Variants in NEGR1 observed in about 807,000 individuals in gnomAD.
The protein encoded by NEGR1 is neuronal growth regulator 1.
A neutral mutation model predicts 40.9 loss-of-function variants in NEGR1; 10 were observed. That is an observed-to-expected ratio of 0.24 (90% CI 0.15 to 0.42). The LOEUF is 0.42. NEGR1 is among the 10% of genes least tolerant of loss of function. NEGR1 has a pLI of 1.00. For missense variants in NEGR1, 352 were observed against 438.9 expected, an observed-to-expected ratio of 0.80 and a Z score of 1.77; for synonymous variants, 185 against 166.8, an observed-to-expected ratio of 1.11 and a Z score of -0.84.
At chr1:72,015,933 G>A (rs1348324127) in intron 1 of NEGR1, among the ~76,000 whole-genome samples, 1 of 152,058 alleles carries the variant, frequency 6.6e-6, no homozygotes, top group Non-Finnish European at 1.5e-5. Flanking sequence ...TCCTAAACAT[G>A]AACGCAAATC....
intron 1 of NEGR1, among the ~76,000 whole-genome samples, chr1:72,182,659 G>T (rs924115600): frequency 6.6e-6 from 1 of 151,486 alleles, no homozygotes; most frequent in Non-Finnish European, 1.5e-5. Flanking sequence ...GCTTTATAAG[G>T]TCTAAATTGA....
chr1:72,180,761 C>T (rs192271625), intron 1 of NEGR1, among the ~76,000 whole-genome samples: 3 of 152,186 alleles, frequency 2.0e-5, no homozygotes, highest in African/African-American at 7.2e-5. Context: ...CTATGAGATA[C>T]CACCTCAACC....
chr1:71,793,374 G>T (rs1176092847), intron 2 of NEGR1, among the ~76,000 whole-genome samples: 1 of 136,450 alleles, frequency 7.3e-6, no homozygotes, highest in Non-Finnish European at 1.6e-5. Context: ...CTCCCAAAGT[G>T]CTGGGATTAC....
intron 1 of NEGR1, among the ~76,000 whole-genome samples, chr1:72,141,551 T>C (rs189160442): frequency 1.3e-5 from 2 of 152,158 alleles, no homozygotes; most frequent in Admixed American, 1.3e-4. Flanking sequence ...CACCACTCAA[T>C]TTATTGGTAC....
At chr1:71,677,143 G>A (rs1463285703) in intron 4 of NEGR1, among the ~76,000 whole-genome samples, 1 of 152,064 alleles carries the variant, frequency 6.6e-6, no homozygotes, top group African/African-American at 2.4e-5. Flanking sequence ...CTGGTGCATT[G>A]TTGGCCTTCT....
At chr1:71,479,501 C>A (rs1646841100) in intron 6 of NEGR1, among the ~76,000 whole-genome samples, 1 of 151,952 alleles carries the variant, frequency 6.6e-6, no homozygotes, top group Non-Finnish European at 1.5e-5. Context: ...CTTGTTTTCT[C>A]TTCCGGACAG....
At chr1:72,138,873 A>G (rs1466457917) in intron 1 of NEGR1, among the ~76,000 whole-genome samples, 1 of 152,014 alleles carries the variant, frequency 6.6e-6, no homozygotes, top group African/African-American at 2.4e-5. Flanking sequence ...TTTATAGAAT[A>G]CCCTACCAAA....
rs866887085 is a variant in NEGR1 at position 72,013,981 on chromosome 1, A to C, written c.177-78670T>G. ...TGAAAAATAAAAAAAAAAAAAAAAA[A>C]AAAAAAAGGAGGTTGGGGGAGAACT... is the stretch of plus-strand genomic sequence containing the variant. On this transcript the variant is annotated intron_variant, in intron 1 of 6. Transcript: ENST00000357731. 2.2e-5 allele frequency among the ~76,000 whole-genome samples: 3 copies of C among 137,816 alleles called. No homozygotes were observed. In the South Asian group the frequency reaches 6.8e-4, roughly 31 times the overall value. The allele number at this position is 137,816 out of a possible 152,430, so 90.4% of individuals were successfully genotyped here.
chr1:71,809,287 A>G (rs1457216555), intron 2 of NEGR1, among the ~76,000 whole-genome samples: 1 of 152,208 alleles, frequency 6.6e-6, no homozygotes, highest in South Asian at 2.1e-4. Flanking sequence ...GTAAACAGAT[A>G]TAATAGGCCT....
chr1:71,788,111 AT>A (rs1656978406), intron 2 of NEGR1, among the ~76,000 whole-genome samples: 2 of 152,104 alleles, frequency 1.3e-5, no homozygotes, highest in Admixed American at 1.3e-4. Flanking sequence ...TATCATCTAT[AT>A]TTTTTAACGT....
chr1:71,894,256 TGGA>T (rs142555129), intron 2 of NEGR1, among the ~76,000 whole-genome samples: 13,888 of 145,018 alleles, frequency 0.096, no homozygotes, highest in African/African-American at 0.14. Context: ...AAAAAAAGAA[TGGA>T]GAAGTCAAGA....
chr1:71,811,280 C>T (rs1018854343), intron 2 of NEGR1, among the ~76,000 whole-genome samples: 3 of 151,986 alleles, frequency 2.0e-5, no homozygotes, highest in African/African-American at 7.2e-5. Context: ...TATAGCAACT[C>T]TTGAGGGAAT....
intron 1 of NEGR1, among the ~76,000 whole-genome samples, chr1:71,980,257 T>C (rs1646342875): frequency 1.3e-5 from 2 of 152,070 alleles, no homozygotes; most frequent in Non-Finnish European, 2.9e-5. Flanking sequence ...AAATAAAAAT[T>C]CAATCTAAAA....
chr1:71,785,123 G>T (rs1656863559), intron 2 of NEGR1, among the ~76,000 whole-genome samples: 1 of 152,112 alleles, frequency 6.6e-6, no homozygotes, highest in Admixed American at 6.6e-5. Flanking sequence ...CACTTACTTG[G>T]ATAATTCAAA....
chr1:71,797,050 G>T (rs1452067793), intron 2 of NEGR1, among the ~76,000 whole-genome samples: 29 of 152,082 alleles, frequency 1.9e-4, no homozygotes, highest in Admixed American at 1.9e-3. Context: ...AGAGGAGAAG[G>T]ACTTCAGACA....
chr1:72,153,732 C>T (rs1651252457), intron 1 of NEGR1, among the ~76,000 whole-genome samples: 2 of 151,634 alleles, frequency 1.3e-5, no homozygotes, highest in South Asian at 4.2e-4. Context: ...AAAACAGAAC[C>T]TGGATGAATA....
chr1:71,680,526 G>A (rs1308733817), intron 4 of NEGR1, among the ~76,000 whole-genome samples: 1 of 152,036 alleles, frequency 6.6e-6, no homozygotes, highest in African/African-American at 2.4e-5. Flanking sequence ...ATCCTCAGAA[G>A]TTTGTCCAAT....
intron 1 of NEGR1, among the ~76,000 whole-genome samples, chr1:72,123,028 T>C (rs1327946574): frequency 6.6e-6 from 1 of 151,990 alleles, no homozygotes; most frequent in Non-Finnish European, 1.5e-5. Flanking sequence ...TTGTTCATTG[T>C]TTTCCATGTT....
intron 1 of NEGR1, among the ~76,000 whole-genome samples, chr1:72,239,645 T>C (rs1448521046): frequency 6.6e-6 from 1 of 151,666 alleles, no homozygotes; most frequent in East Asian, 1.9e-4. Context: ...CGATAAAAAA[T>C]ATATTACAGG....
Sources: gnomAD v4.1 joint callset for allele counts (sites outside exome capture counted in the v4.1 genomes callset) on GRCh38, gnomAD v4.1.1 for gene constraint, MANE v1.5 for transcripts, NCBI Gene and HGNC (gene_info 2026-07-23, HGNC 2026-07-21) for gene names.